The following MAD1L1 variants were observed in gnomAD, a reference collection of about 807,000 sequenced individuals.
MAD1L1 encodes the protein mitotic spindle assembly checkpoint protein MAD1.
Under a neutral mutation model 96.9 loss-of-function variants are expected in MAD1L1, and 95 were observed. That is an observed-to-expected ratio of 0.98 (90% CI 0.83 to 1.16). MAD1L1 has a LOEUF of 1.16. Among genes scored for constraint, MAD1L1 ranks in the 50% most tolerant of loss-of-function variants. The probability of loss-of-function intolerance (pLI) is 0.00; values close to 1 mark genes in which losing one functional copy is unlikely to be tolerated. For synonymous variants in MAD1L1, 473 were observed against 396.6 expected (o/e 1.19, Z -2.29); for missense variants, 1,007 against 954.4 (o/e 1.06, Z -0.73).
At chr7:2,019,601 G>C (rs1428531073) in intron 12 of MAD1L1, among the ~76,000 whole-genome samples, 1 of 152,244 alleles carries the variant, frequency 6.6e-6, no homozygotes, top group Non-Finnish European at 1.5e-5. Flanking sequence ...GCAGCAAGGA[G>C]GGCCACTTAC....
intron 11 of MAD1L1, among the ~76,000 whole-genome samples, chr7:2,108,703 T>C (rs868157536): frequency 6.6e-6 from 1 of 152,320 alleles, no homozygotes; most frequent in Middle Eastern, 3.4e-3. Context: ...CACTCTGGCT[T>C]TCTCTCTAAG....
chr7:2,017,165 G>A (rs939948), intron 12 of MAD1L1, among the ~76,000 whole-genome samples: 1 of 152,124 alleles, frequency 6.6e-6, no homozygotes, highest in Non-Finnish European at 1.5e-5. Context: ...CACGGTGTGG[G>A]TGTGACTTGC....
intron 13 of MAD1L1, among the ~76,000 whole-genome samples, chr7:2,012,495 A>G (rs535116837): frequency 2.0e-5 from 3 of 152,368 alleles, no homozygotes; most frequent in Admixed American, 6.5e-5. Flanking sequence ...AGCCGGAGCT[A>G]GCCTTTCCCG....
At chr7:1,863,514 C>T (rs1248321569) in intron 18 of MAD1L1, among the ~76,000 whole-genome samples, 1 of 152,248 alleles carries the variant, frequency 6.6e-6, no homozygotes, top group Non-Finnish European at 1.5e-5. Context: ...CACGGCCTGG[C>T]TGAAGGCCCG....
At chr7:1,863,595 T>C (rs1784634216) in intron 18 of MAD1L1, among the ~76,000 whole-genome samples, 2 of 152,176 alleles carry the variant, frequency 1.3e-5, no homozygotes, top group African/African-American at 2.4e-5. Flanking sequence ...AGGAGGAGAC[T>C]TGGGCTTGCA....
At chr7:2,143,470 TTCAC>T (rs1271055872) in intron 11 of MAD1L1, among the ~76,000 whole-genome samples, 1 of 151,318 alleles carries the variant, frequency 6.6e-6, no homozygotes, top group African/African-American at 2.4e-5. Context: ...TAAACTGATC[TTCAC>T]TCACTCTTGG....
At chr7:2,145,531 C>G (rs972591862) in intron 11 of MAD1L1, among the ~76,000 whole-genome samples, 1 of 152,246 alleles carries the variant, frequency 6.6e-6, no homozygotes, top group African/African-American at 2.4e-5. Flanking sequence ...AAAACTATAG[C>G]TCAATGCTAG....
Position 1,815,866 on chromosome 7 carries a change from C to T in MAD1L1, c.*204G>A, listed in dbSNP as rs572437144. ...TGGCCGACGCCCACACACCAGGCTC[C>T]GGGACGCATGGGGTCTGCACGTGGA... On this transcript the variant is annotated 3_prime_UTR_variant, in exon 19 of 19. Transcript: ENST00000265854. The T allele has an allele frequency of 4.4e-5, 25 of 571,928 alleles. No homozygotes were observed. Among genetic ancestry groups the T allele is most frequent in the Admixed American group, 2.7e-4 (8 of 30,022 alleles). 35.4% of individuals were successfully genotyped at this position (571,928 alleles called of 1,614,324 possible).
At chr7:2,085,128 G>A (rs1039705302) in intron 11 of MAD1L1, among the ~76,000 whole-genome samples, 9 of 152,176 alleles carry the variant, frequency 5.9e-5, no homozygotes, top group East Asian at 1.9e-4. Flanking sequence ...TACACTGTTC[G>A]TTACTGCAGC....
chr7:1,999,687 A>G (rs941442443), intron 14 of MAD1L1, among the ~76,000 whole-genome samples: 2 of 152,110 alleles, frequency 1.3e-5, no homozygotes, highest in African/African-American at 2.4e-5. Flanking sequence ...TCACTACAGT[A>G]AGGCTCCCTT....
chr7:2,049,293 G>A (rs1784063999), intron 12 of MAD1L1, among the ~76,000 whole-genome samples: 1 of 152,198 alleles, frequency 6.6e-6, no homozygotes, highest in African/African-American at 2.4e-5. Context: ...CTAGAAGAGA[G>A]GAATTCCAGC....
At chr7:1,822,060 C>A (rs1782153873) in intron 18 of MAD1L1, among the ~76,000 whole-genome samples, 1 of 152,098 alleles carries the variant, frequency 6.6e-6, no homozygotes, top group Non-Finnish European at 1.5e-5. Flanking sequence ...CGTGACGGCC[C>A]ACGTGGAAAA....
intron 10 of MAD1L1, among the ~76,000 whole-genome samples, chr7:2,191,410 G>C (rs906068117): frequency 1.3e-5 from 2 of 152,212 alleles, no homozygotes; most frequent in Non-Finnish European, 2.9e-5. Flanking sequence ...TGGTCATTTA[G>C]AGTTTGTTTT....
intron 14 of MAD1L1, among the ~76,000 whole-genome samples, chr7:1,984,425 AC>A (rs1475235694): frequency 6.6e-6 from 1 of 152,240 alleles, no homozygotes; most frequent in African/African-American, 2.4e-5. Flanking sequence ...GGTTTTACGC[AC>A]ATATGTATTT....
chr7:1,956,926 C>T (rs1364212109), intron 16 of MAD1L1, among the ~76,000 whole-genome samples: 1 of 152,218 alleles, frequency 6.6e-6, no homozygotes, highest in East Asian at 1.9e-4. Flanking sequence ...TGCCTGGCCC[C>T]CAGTCAGCAA....
chr7:1,940,452 A>C lies in MAD1L1; in HGVS notation c.1597-3555T>G, dbSNP rs554221275. 7.9e-5 allele frequency: 12 copies of C among 152,376 alleles called. No homozygotes were observed. In the South Asian group the frequency reaches 2.5e-3, roughly 32 times the overall value. The allele number at this position is 152,376 out of a possible 1,614,324, so 9.4% of individuals were successfully genotyped here. On this transcript the variant is annotated intron_variant, in intron 16 of 18. Transcript: ENST00000265854. ...CCCAGTATGCAGAATCCAGCCACCC[A>C]CACGCACTCAGGAGACCCCTCTGAC...
chr7:1,915,312 G>A (rs994077371), intron 17 of MAD1L1, among the ~76,000 whole-genome samples: 5 of 152,182 alleles, frequency 3.3e-5, no homozygotes, highest in Non-Finnish European at 7.3e-5. Context: ...CGGGAGGGAC[G>A]GGGAGATGGG....
chr7:2,116,294 C>T (rs563090335), intron 11 of MAD1L1, among the ~76,000 whole-genome samples: 2 of 152,266 alleles, frequency 1.3e-5, no homozygotes, highest in South Asian at 2.1e-4. Context: ...GCCGGGAGGA[C>T]GAACAAGACT....
At chr7:2,139,784 G>A (rs938856004) in intron 11 of MAD1L1, among the ~76,000 whole-genome samples, 5 of 152,212 alleles carry the variant, frequency 3.3e-5, no homozygotes, top group Non-Finnish European at 5.9e-5. Flanking sequence ...CTGCAGCTCG[G>A]ACCACACTTC....
Sources: gnomAD v4.1 joint callset for allele counts (sites outside exome capture counted in the v4.1 genomes callset) on GRCh38, gnomAD v4.1.1 for gene constraint, MANE v1.5 for transcripts, NCBI Gene and HGNC (gene_info 2026-07-23, HGNC 2026-07-21) for gene names.